The following ZBTB20 variants were observed in gnomAD, a reference collection of about 807,000 sequenced individuals.
ZBTB20 encodes the protein zinc finger and BTB domain containing 20.
A neutral mutation model predicts 56.9 loss-of-function variants in ZBTB20; 9 were observed. The ratio of observed to expected loss-of-function variants is 0.16; its 90% confidence interval spans 0.10 to 0.28. ZBTB20 has a LOEUF of 0.28. ZBTB20 is among the 10% of genes least tolerant of loss of function. The pLI is 1.00. For missense variants in ZBTB20, 655 were observed against 1,003.0 expected (o/e 0.65, Z 4.69); for synonymous variants, 417 against 420.7 (o/e 0.99, Z 0.11).
intron 5 of ZBTB20, among the ~76,000 whole-genome samples, chr3:114,748,454 T>C (rs951113802): frequency 6.6e-6 from 1 of 151,088 alleles, no homozygotes; most frequent in African/African-American, 2.4e-5. Context: ...AAAATTTCAC[T>C]CTAAATTCCA....
At chr3:115,011,588 A>C (rs2079714376) in intron 2 of ZBTB20, among the ~76,000 whole-genome samples, 1 of 151,878 alleles carries the variant, frequency 6.6e-6, no homozygotes, top group South Asian at 2.1e-4. Flanking sequence ...GGAGAAATGA[A>C]GACTTTCCCA....
At chr3:114,635,577 T>C (rs1315510139) in intron 6 of ZBTB20, among the ~76,000 whole-genome samples, 1 of 151,536 alleles carries the variant, frequency 6.6e-6, no homozygotes, top group African/African-American at 2.4e-5. Context: ...AAGAACAAAA[T>C]GAGAAGTTAA....
chr3:114,703,196 C>T (rs891273448), intron 5 of ZBTB20, among the ~76,000 whole-genome samples: 17 of 152,290 alleles, frequency 1.1e-4, no homozygotes, highest in African/African-American at 3.4e-4. Context: ...TTTATTGCTT[C>T]GCCCTTCCCT....
chr3:114,455,095 GGA>G (rs1041826728), intron 7 of ZBTB20, among the ~76,000 whole-genome samples: 1 of 149,246 alleles, frequency 6.7e-6, no homozygotes, highest in Non-Finnish European at 1.5e-5. Context: ...GAGGAGAGAC[GGA>G]GAGAGAGAGT....
chr3:114,869,262 A>G (rs369968512), intron 4 of ZBTB20, among the ~76,000 whole-genome samples: 32 of 152,308 alleles, frequency 2.1e-4, no homozygotes, highest in African/African-American at 7.0e-4. Context: ...AAGTCTACTC[A>G]AACCAAACCA....
intron 1 of ZBTB20, among the ~76,000 whole-genome samples, chr3:115,093,823 T>A (rs1485002630): frequency 1.3e-5 from 2 of 152,294 alleles, no homozygotes; most frequent in Middle Eastern, 3.4e-3. Flanking sequence ...TCTTCTATGA[T>A]CTTCTTTGGT....
intron 5 of ZBTB20, among the ~76,000 whole-genome samples, chr3:114,729,695 C>T (rs1318501892): frequency 6.6e-6 from 1 of 152,066 alleles, no homozygotes; most frequent in Non-Finnish European, 1.5e-5. Flanking sequence ...TAAAGGAAAA[C>T]ATTTATTGAA....
intron 1 of ZBTB20, among the ~76,000 whole-genome samples, chr3:115,077,126 T>G (rs2082624998): frequency 6.6e-6 from 1 of 152,050 alleles, no homozygotes; most frequent in Non-Finnish European, 1.5e-5. Flanking sequence ...GTGAATTCCC[T>G]GATATATCTG....
intron 2 of ZBTB20, among the ~76,000 whole-genome samples, chr3:115,043,161 T>A (rs1020408546): frequency 6.6e-6 from 1 of 152,210 alleles, no homozygotes. Context: ...ATGCTTTAAA[T>A]ATTGAACTAT....
At chr3:114,420,731 C>T (rs1377068777) in intron 7 of ZBTB20, among the ~76,000 whole-genome samples, 1 of 152,152 alleles carries the variant, frequency 6.6e-6, no homozygotes, top group Admixed American at 6.5e-5. Flanking sequence ...AAAATGCCTT[C>T]TATTCCATCT....
chr3:115,066,042 T>G (rs1232564993), intron 2 of ZBTB20, among the ~76,000 whole-genome samples: 2 of 152,184 alleles, frequency 1.3e-5, no homozygotes, highest in African/African-American at 4.8e-5. Context: ...AGAAATTCCC[T>G]AATCAATACT....
chr3:114,514,905 A>AC (rs2045814396), intron 6 of ZBTB20, among the ~76,000 whole-genome samples: 2 of 152,186 alleles, frequency 1.3e-5, no homozygotes, highest in Admixed American at 1.3e-4. Flanking sequence ...ATTGCCATTG[A>AC]CCCATGGGAG....
chr3:114,319,766 G>T lies in ZBTB20; in HGVS notation c.*19239C>A, dbSNP rs1302697533. On this transcript the variant is annotated 3_prime_UTR_variant, in exon 12 of 12. Coordinates refer to ENST00000675478, the MANE Select transcript of ZBTB20 (RefSeq NM_001348800.3). ...AGAGGACTGAAGCGTGTCCATGTGT[G>T]TACTGTACACATACATCTTGAAAAA... 1.3e-5 allele frequency: 2 copies of T among 151,944 alleles called. No homozygotes were observed. Among genetic ancestry groups the T allele is most frequent in the African/African-American group, 4.8e-5 (2 of 41,344 alleles). The allele number at this position is 151,944 out of a possible 1,614,324, so 9.4% of individuals were successfully genotyped here. A position where few individuals can be genotyped will look rare whatever the true frequency, so the allele number is the denominator to read the frequency against.
At chr3:114,985,225 G>A (rs2078487022) in intron 2 of ZBTB20, among the ~76,000 whole-genome samples, 1 of 152,048 alleles carries the variant, frequency 6.6e-6, no homozygotes. Flanking sequence ...CTGGCACATA[G>A]TAAGCACTGA....
Position 114,351,237 on chromosome 3 carries a change from G to A in ZBTB20, c.841C>T (p.His281Tyr), listed in dbSNP as rs1239466854. 6.2e-7 allele frequency: 1 copy of A among 1,600,956 alleles called. No homozygotes were observed. Among genetic ancestry groups the A allele is most frequent in the Non-Finnish European group, 8.5e-7 (1 of 1,178,566 alleles). ...ETALGLPRDHHMEDPSWITRI... is the reference protein window; with the variant it reads ...ETALGLPRDHYMEDPSWITRI... ...GTGATCCAGCTGGGGTCTTCCATGT[G>A]GTGGTCGCGGGGCAGGCCGAGCGCA... Residue 281 changes from histidine to tyrosine, a missense_variant, in exon 11 of 12, where the codon CAC becomes TAC. His to Tyr is a moderately conservative substitution (Grantham distance 83, BLOSUM62 2). Coordinates refer to ENST00000675478, the MANE Select transcript of ZBTB20 (RefSeq NM_001348800.3).
chr3:115,062,606 T>C (rs2082050789), intron 2 of ZBTB20, among the ~76,000 whole-genome samples: 1 of 152,140 alleles, frequency 6.6e-6, no homozygotes, highest in Non-Finnish European at 1.5e-5. Flanking sequence ...GGAATGTTTT[T>C]ATTTTAAAAA....
chr3:114,787,558 G>A (rs1324174428), intron 5 of ZBTB20, among the ~76,000 whole-genome samples: 1 of 151,558 alleles, frequency 6.6e-6, no homozygotes, highest in Non-Finnish European at 1.5e-5. Context: ...ATCTGTGGTT[G>A]CCATGAGTTA....
At chr3:114,924,980 C>CTTTTTTTTTTTTT (rs578028983) in intron 3 of ZBTB20, among the ~76,000 whole-genome samples, 4 of 99,898 alleles carry the variant, frequency 4.0e-5, no homozygotes, top group Middle Eastern at 6.3e-3. Flanking sequence ...TTTGGTTCTT[C>CTTTTTTTTTTTTT]TTTTTTTTTT....
chr3:114,743,162 G>A (rs1273993153), intron 5 of ZBTB20, among the ~76,000 whole-genome samples: 3 of 152,082 alleles, frequency 2.0e-5, no homozygotes, highest in African/African-American at 7.2e-5. Flanking sequence ...ATACAAAGAA[G>A]ACTATGTTTA....
Sources: allele counts gnomAD v4.1 joint callset (sites outside exome capture counted in the v4.1 genomes callset), GRCh38; gene constraint gnomAD v4.1.1; transcripts MANE v1.5; gene names NCBI Gene and HGNC (gene_info 2026-07-23, HGNC 2026-07-21).